CERS6: variants seen among roughly 807,000 people sequenced by gnomAD.
CERS6 encodes ceramide synthase 6, also known as LAG1 homolog, ceramide synthase 6.
CERS6 carries 26 observed loss-of-function variants against 56.8 expected under a neutral mutation model. The ratio of observed to expected loss-of-function variants is 0.46; its 90% CI spans 0.34 to 0.63. CERS6 has a LOEUF of 0.63. CERS6 is among the 30% of genes least tolerant of loss of function. The pLI is 0.01. For missense variants in CERS6, 415 were observed against 467.5 expected, an observed-to-expected ratio of 0.89 and a Z score of 1.04; for synonymous variants, 164 against 173.3, an observed-to-expected ratio of 0.95 and a Z score of 0.42.
At chr2:168,487,668 A>G (rs1283753098) in intron 1 of CERS6, among the ~76,000 whole-genome samples, 1 of 152,110 alleles carries the variant, frequency 6.6e-6, no homozygotes, top group Non-Finnish European at 1.5e-5. Flanking sequence ...AGCTACTTTT[A>G]TGTGTTTTCC....
chr2:168,459,314 A>G (rs1431247371), intron 1 of CERS6, among the ~76,000 whole-genome samples: 1 of 152,296 alleles, frequency 6.6e-6, no homozygotes, highest in African/African-American at 2.4e-5. Flanking sequence ...ACTAAGAGAA[A>G]CATCAAAGAA....
At chr2:168,630,335 T>C (rs999248689) in intron 3 of CERS6, among the ~76,000 whole-genome samples, 1 of 150,878 alleles carries the variant, frequency 6.6e-6, no homozygotes, top group African/African-American at 2.4e-5. Flanking sequence ...CACGCACACA[T>C]CTTATATTTT....
chr2:168,488,386 A>G (rs1694311572), intron 1 of CERS6, among the ~76,000 whole-genome samples: 1 of 152,162 alleles, frequency 6.6e-6, no homozygotes, highest in African/African-American at 2.4e-5. Flanking sequence ...TAATGTATTA[A>G]TAGATTTATT....
intron 1 of CERS6, among the ~76,000 whole-genome samples, chr2:168,466,582 G>C (rs1574001259): frequency 6.6e-6 from 1 of 152,210 alleles, no homozygotes; most frequent in East Asian, 1.9e-4. Flanking sequence ...TTATTCAACA[G>C]TAGTTTTTGA....
At chr2:168,755,830 T>G (rs550378785) in intron 8 of CERS6, among the ~76,000 whole-genome samples, 22 of 152,208 alleles carry the variant, frequency 1.4e-4, no homozygotes, top group Non-Finnish European at 2.9e-4. Flanking sequence ...GACCAAGATT[T>G]TCTACTTTAA....
chr2:168,575,995 G>C (rs1370268769), intron 3 of CERS6, among the ~76,000 whole-genome samples: 1 of 152,126 alleles, frequency 6.6e-6, no homozygotes, highest in African/African-American at 2.4e-5. Flanking sequence ...TTAGAGAGGA[G>C]CACAGAGCGT....
chr2:168,691,255 T>A (rs1686494527), intron 5 of CERS6, among the ~76,000 whole-genome samples, 171 bp downstream of exon 5: 1 of 152,176 alleles, frequency 6.6e-6, no homozygotes, highest in Non-Finnish European at 1.5e-5. Flanking sequence ...TGTGCATTAT[T>A]CTTAGTGAAG....
chr2:168,555,728 G>C (rs1216940718), intron 2 of CERS6, among the ~76,000 whole-genome samples: 5 of 74,664 alleles, frequency 6.7e-5, no homozygotes, highest in African/African-American at 1.5e-4. Context: ...GACTCTGTGT[G>C]TGTGTGTGTG....
At chr2:168,497,414 A>T (rs1209925281) in intron 1 of CERS6, among the ~76,000 whole-genome samples, 2 of 152,154 alleles carry the variant, frequency 1.3e-5, no homozygotes, top group African/African-American at 4.8e-5. Flanking sequence ...AGAAAGAAGG[A>T]AAGAAAGAAA....
intron 8 of CERS6, among the ~76,000 whole-genome samples, chr2:168,763,131 C>T (rs996251093): frequency 1.3e-5 from 2 of 152,162 alleles, no homozygotes; most frequent in African/African-American, 2.4e-5. Context: ...CTACCTCAGC[C>T]CCCCCAAAGT....
chr2:168,679,270 A>G (rs1319135756), intron 4 of CERS6, among the ~76,000 whole-genome samples: 1 of 152,208 alleles, frequency 6.6e-6, no homozygotes, highest in Non-Finnish European at 1.5e-5. Context: ...TAGGGCAACT[A>G]TGCTTAACGG....
chr2:168,669,462 C>T (rs533153586), intron 4 of CERS6, among the ~76,000 whole-genome samples: 1 of 152,240 alleles, frequency 6.6e-6, no homozygotes, highest in East Asian at 1.9e-4. Context: ...GTATGTTCAA[C>T]TTAATGTTGG....
intron 4 of CERS6, among the ~76,000 whole-genome samples, chr2:168,645,112 A>ATATATATATATATATAT (rs1421470329): frequency 2.1e-5 from 1 of 47,736 alleles, no homozygotes; most frequent in Non-Finnish European, 4.1e-5. Context: ...AAAAAAAAAA[A>ATATATATATATATATAT]AAAAATATAT....
At chr2:168,727,193 G>A (rs1172545563) in intron 8 of CERS6, among the ~76,000 whole-genome samples, 2 of 152,030 alleles carry the variant, frequency 1.3e-5, no homozygotes, top group African/African-American at 4.8e-5. Context: ...CTGTTGCTCT[G>A]TTCACTGAAA....
chr2:168,713,696 C>T lies in CERS6; in HGVS notation c.610-1305C>T, dbSNP rs148495256. Among the ~76,000 whole-genome samples, 760 of 152,002 alleles carry T rather than the reference C, an allele frequency of 5.0e-3. 5 individuals are homozygous for T. The highest frequency in any genetic ancestry group is 8.0e-3 in the Non-Finnish European group (542 of 67,966). On this transcript the variant is annotated intron_variant, in intron 6 of 9. Coordinates refer to ENST00000305747, the MANE Select transcript of CERS6 (RefSeq NM_203463.3). ...CTATGGACAGATAATGATTAAAATT[C>T]AGGGCTTCAATCCCCACCAGTATGC...
intron 1 of CERS6, among the ~76,000 whole-genome samples, chr2:168,485,381 C>T (rs1463839590): frequency 2.0e-5 from 3 of 152,078 alleles, no homozygotes; most frequent in African/African-American, 7.2e-5. Flanking sequence ...CATAAGTATT[C>T]ACTCTTTGTG....
chr2:168,682,019 T>A (rs1205901394), intron 4 of CERS6, among the ~76,000 whole-genome samples: 2 of 152,216 alleles, frequency 1.3e-5, no homozygotes, highest in African/African-American at 2.4e-5. Flanking sequence ...ATACCATTTT[T>A]AAAATCTATT....
chr2:168,551,709 TACGTCATGTTTCTATAG>T (rs1377716977), intron 2 of CERS6, among the ~76,000 whole-genome samples: 2 of 152,210 alleles, frequency 1.3e-5, no homozygotes, highest in African/African-American at 4.8e-5. Context: ...TGTAGAGTGT[TACGTCATGTTTCTATAG>T]ATTCTCCTCA....
chr2:168,505,339 G>A (rs1431187745), intron 1 of CERS6, among the ~76,000 whole-genome samples: 1 of 128,638 alleles, frequency 7.8e-6, no homozygotes, highest in Non-Finnish European at 1.6e-5. Flanking sequence ...CTGTGATTGT[G>A]TCACTGCACT....
Sources: allele counts gnomAD v4.1 joint callset (sites outside exome capture counted in the v4.1 genomes callset), GRCh38; gene constraint gnomAD v4.1.1; transcripts MANE v1.5; gene names NCBI Gene and HGNC (gene_info 2026-07-23, HGNC 2026-07-21).